The following NLGN1 variants were observed in gnomAD, a reference collection of about 807,000 sequenced individuals.
NLGN1 encodes neuroligin 1.
A neutral mutation model predicts 65.5 loss-of-function variants in NLGN1; 12 were observed. That is an observed-to-expected ratio of 0.18 (90% confidence interval 0.12 to 0.30). The LOEUF is 0.30. Among genes scored for constraint, NLGN1 ranks in the 10% least tolerant of loss-of-function variants. NLGN1 has a pLI of 1.00. For synonymous variants in NLGN1, 350 were observed against 359.5 expected (o/e 0.97, Z 0.30); for missense variants, 750 against 1,007.1 (o/e 0.74, Z 3.46).
At chr3:174,215,708 G>A (rs1577397529) in intron 4 of NLGN1, among the ~76,000 whole-genome samples, 1 of 152,110 alleles carries the variant, frequency 6.6e-6, no homozygotes, top group Non-Finnish European at 1.5e-5. Context: ...TCAAATGAAC[G>A]AGTCAGTAAA....
chr3:174,274,921 A>G (rs2152885628), intron 4 of NLGN1, among the ~76,000 whole-genome samples: 1 of 151,960 alleles, frequency 6.6e-6, no homozygotes, highest in African/African-American at 2.4e-5. Context: ...ACATTTGACG[A>G]CAAGCAACTT....
chr3:173,541,346 G>A (rs1304277303), intron 2 of NLGN1, among the ~76,000 whole-genome samples: 1 of 152,066 alleles, frequency 6.6e-6, no homozygotes, highest in Non-Finnish European at 1.5e-5. Context: ...ACATTTATTA[G>A]ATTTGAAAGT....
chr3:173,415,556 A>C (rs1268775831), intron 1 of NLGN1, among the ~76,000 whole-genome samples: 1 of 139,788 alleles, frequency 7.2e-6, no homozygotes, highest in Non-Finnish European at 1.6e-5. Context: ...TGCTGAAGGC[A>C]GTGCAACCTG....
At position 174,214,631 on chromosome 3, in the gene NLGN1, G is replaced by GT. The variant is rs1245833610; in HGVS notation, c.647-60679dup. 2.6e-5 allele frequency among the ~76,000 whole-genome samples: 4 copies of GT among 152,148 alleles called. No individual in the cohort carries two copies. In the East Asian group the frequency reaches 7.7e-4, roughly 29 times the overall value. ...AAAGACTTCTGGGCTTTGTTTGTTTGTTTTTAACTATGGCAATAATCTGTG... is the reference window on the plus strand; with the variant it reads ...AAAGACTTCTGGGCTTTGTTTGTTTGTTTTTTAACTATGGCAATAATCTGTG... On this transcript the variant is annotated intron_variant, in intron 4 of 6. Coordinates refer to ENST00000457714, the Ensembl canonical transcript of NLGN1.
At position 173,482,622 on chromosome 3, in the gene NLGN1, G is replaced by A. The variant is rs543685944; in HGVS notation, c.-321+47544G>A. Among the ~76,000 whole-genome samples the A allele has an allele frequency of 7.3e-5, 11 of 151,676 alleles. No homozygotes were observed. In the East Asian group the frequency reaches 7.7e-4, roughly 11 times the overall value. ...TCTTAATTTTTTGAACATTTCTCTC[G>A]GAGGCTATTTTAGATACAGTGGTGA... On this transcript the variant is annotated intron_variant, in intron 2 of 6. Coordinates refer to ENST00000457714, the Ensembl canonical transcript of NLGN1.
Position 173,539,851 on chromosome 3 carries a change from A to G in NLGN1, c.-320-64428A>G, listed in dbSNP as rs929589605. ...TATGTATATATGTTATATATATTATATGTTATGTATGTGTTATATATATCT... is the reference window on the plus strand; with the variant it reads ...TATGTATATATGTTATATATATTATGTGTTATGTATGTGTTATATATATCT... On this transcript the variant is annotated intron_variant, in intron 2 of 6. Coordinates refer to ENST00000457714, the Ensembl canonical transcript of NLGN1. 1.8e-3 allele frequency among the ~76,000 whole-genome samples: 255 copies of G among 138,328 alleles called. 3 individuals carry two copies. The highest frequency in any genetic ancestry group is 2.1e-3 in the Admixed American group (27 of 13,026). 90.7% of individuals were successfully genotyped at this position (138,328 alleles called of 152,430 possible). A position where few individuals can be genotyped will look rare whatever the true frequency, so the allele number is the denominator to read the frequency against.
intron 2 of NLGN1, among the ~76,000 whole-genome samples, chr3:173,573,943 G>C (rs942566941): frequency 4.0e-5 from 6 of 151,108 alleles, no homozygotes; most frequent in African/African-American, 1.5e-4. Flanking sequence ...GGCGCCTGTA[G>C]TCCCAGCTAC....
chr3:173,950,946 A>G (rs1748088919), intron 4 of NLGN1, among the ~76,000 whole-genome samples: 1 of 152,070 alleles, frequency 6.6e-6, no homozygotes, highest in South Asian at 2.1e-4. Context: ...GGCTCACTAC[A>G]ACCTCCGTCT....
intron 1 of NLGN1, among the ~76,000 whole-genome samples, chr3:173,401,800 A>C (rs1180876699): frequency 6.6e-6 from 1 of 152,224 alleles, no homozygotes. Flanking sequence ...AAGGAGAAAG[A>C]GTAAACACAA....
At chr3:173,667,567 A>G (rs909443384) in intron 3 of NLGN1, among the ~76,000 whole-genome samples, 2 of 152,164 alleles carry the variant, frequency 1.3e-5, no homozygotes, top group African/African-American at 2.4e-5. Context: ...TTATTCTGTA[A>G]CATCTTTTTC....
At chr3:174,081,309 A>G (rs1053205689) in intron 4 of NLGN1, among the ~76,000 whole-genome samples, 1 of 152,182 alleles carries the variant, frequency 6.6e-6, no homozygotes, top group Admixed American at 6.5e-5. Flanking sequence ...ATAACAAAAT[A>G]CTATAAACTG....
intron 2 of NLGN1, among the ~76,000 whole-genome samples, chr3:173,599,622 T>C (rs1359928836): frequency 6.6e-6 from 1 of 152,134 alleles, no homozygotes; most frequent in Admixed American, 6.6e-5. Flanking sequence ...CTAAGTCCAT[T>C]TTTATATCCA....
At chr3:174,178,315 C>A (rs1729807763) in intron 4 of NLGN1, among the ~76,000 whole-genome samples, 1 of 152,094 alleles carries the variant, frequency 6.6e-6, no homozygotes. Context: ...TTCAATAGAC[C>A]TGTTCCAACA....
At chr3:173,633,602 C>A (rs898992002) in intron 3 of NLGN1, among the ~76,000 whole-genome samples, 7 of 152,106 alleles carry the variant, frequency 4.6e-5, no homozygotes, top group Non-Finnish European at 8.8e-5. Context: ...CCATAGCATT[C>A]AAAAATGACC....
chr3:173,484,401 T>C (rs1727817095), intron 2 of NLGN1, among the ~76,000 whole-genome samples: 1 of 152,098 alleles, frequency 6.6e-6, no homozygotes, highest in Non-Finnish European at 1.5e-5. Flanking sequence ...TTTCTATTTG[T>C]TAAACAAAAT....
intron 4 of NLGN1, among the ~76,000 whole-genome samples, chr3:173,849,070 G>A (rs948998704): frequency 2.0e-5 from 3 of 152,042 alleles, no homozygotes; most frequent in African/African-American, 7.2e-5. Flanking sequence ...ACAGCTCATT[G>A]TCAATTTTCC....
At chr3:173,991,515 C>T (rs941817769) in intron 4 of NLGN1, among the ~76,000 whole-genome samples, 1 of 152,108 alleles carries the variant, frequency 6.6e-6, no homozygotes, top group Non-Finnish European at 1.5e-5. Context: ...ACTAGCCACA[C>T]GTGTCTATTG....
intron 4 of NLGN1, among the ~76,000 whole-genome samples, chr3:174,062,591 G>C (rs996774187): frequency 1.3e-5 from 2 of 151,810 alleles, no homozygotes; most frequent in Non-Finnish European, 2.9e-5. Flanking sequence ...GAACCAGAAT[G>C]TTACATGACA....
chr3:173,685,547 A>C (rs972573979), intron 3 of NLGN1: 1 of 626,324 alleles, frequency 1.6e-6, no homozygotes, highest in Non-Finnish European at 2.0e-6. Context: ...GCATAGAACA[A>C]GGGCTGCCAG....
Sources: gnomAD v4.1 joint callset for allele counts (sites outside exome capture counted in the v4.1 genomes callset) on GRCh38, gnomAD v4.1.1 for gene constraint, MANE v1.5 for transcripts, NCBI Gene and HGNC (gene_info 2026-07-23, HGNC 2026-07-21) for gene names.